Variants in EFCAB11 observed in about 807,000 individuals in gnomAD.
EFCAB11 encodes the protein EF-hand calcium binding domain 11, also known as EF-hand calcium-binding domain-containing protein 11.
Under a neutral mutation model 23.0 loss-of-function variants are expected in EFCAB11, and 14 were observed. The observed-to-expected ratio is 0.61, with a 90% CI of 0.40 to 0.95. The LOEUF (loss-of-function observed/expected upper bound fraction) is 0.95. EFCAB11 is among the 40% of genes least tolerant of loss of function. The pLI is 0.00. For synonymous variants in EFCAB11, 65 were observed against 66.6 expected (o/e 0.98, Z 0.11); for missense variants, 198 against 195.8 (o/e 1.01, Z -0.07).
chr14:89,902,679 G>T (rs1476977095), intron 5 of EFCAB11, among the ~76,000 whole-genome samples: 5 of 152,148 alleles, frequency 3.3e-5, no homozygotes, highest in Non-Finnish European at 7.4e-5. Context: ...TAACACTTAA[G>T]ATTAGATATT....
intron 5 of EFCAB11, among the ~76,000 whole-genome samples, chr14:89,817,696 T>C (rs117495048): frequency 0.019 from 2,871 of 152,130 alleles, 63 homozygotes; most frequent in East Asian, 0.098. Context: ...AAATTACAAG[T>C]AAAATGCAGT....
intron 5 of EFCAB11, among the ~76,000 whole-genome samples, chr14:89,817,029 T>C (rs1031121217): frequency 2.0e-5 from 3 of 152,034 alleles, no homozygotes; most frequent in African/African-American, 7.2e-5. Flanking sequence ...AGTCCAATAA[T>C]AAAAGTATAA....
chr14:89,821,714 G>C (rs949061892), intron 5 of EFCAB11, among the ~76,000 whole-genome samples: 1 of 152,194 alleles, frequency 6.6e-6, no homozygotes, highest in Non-Finnish European at 1.5e-5. Flanking sequence ...GGAGGTGCGG[G>C]AGAGGGAAAC....
At chr14:89,901,766 C>G (rs1281850575) in intron 5 of EFCAB11, among the ~76,000 whole-genome samples, 2 of 152,070 alleles carry the variant, frequency 1.3e-5, no homozygotes, top group African/African-American at 4.8e-5. Flanking sequence ...GAATGTAACA[C>G]AATACAGAAT....
At chr14:89,915,759 A>G (rs1889820314) in intron 5 of EFCAB11, among the ~76,000 whole-genome samples, 1 of 152,268 alleles carries the variant, frequency 6.6e-6, no homozygotes, top group Non-Finnish European at 1.5e-5. Context: ...AACACTGAGA[A>G]CTACAATGAA....
At chr14:89,925,648 CTT>C (rs397758240) in intron 5 of EFCAB11, among the ~76,000 whole-genome samples, 17 of 134,614 alleles carry the variant, frequency 1.3e-4, no homozygotes, top group Admixed American at 1.5e-4. Context: ...ATGTTTCTTT[CTT>C]TTTTTTTTTT....
At chr14:89,889,338 T>C (rs2140186365) in intron 5 of EFCAB11, among the ~76,000 whole-genome samples, 1 of 152,376 alleles carries the variant, frequency 6.6e-6, no homozygotes, top group South Asian at 2.1e-4. Flanking sequence ...AATCCTGTTT[T>C]ACTACTTATT....
At chr14:89,846,945 A>G (rs1320571293) in intron 5 of EFCAB11, among the ~76,000 whole-genome samples, 1 of 152,170 alleles carries the variant, frequency 6.6e-6, no homozygotes, top group African/African-American at 2.4e-5. Flanking sequence ...GCTTTCTTCA[A>G]TCACATTCCT....
intron 5 of EFCAB11, among the ~76,000 whole-genome samples, chr14:89,875,647 G>A (rs1307022837): frequency 6.6e-6 from 1 of 152,178 alleles, no homozygotes; most frequent in South Asian, 2.1e-4. Context: ...AGAAGGATCA[G>A]CAGGTTAAAG....
chr14:89,916,013 G>A (rs563678351), intron 5 of EFCAB11, among the ~76,000 whole-genome samples: 1 of 152,124 alleles, frequency 6.6e-6, no homozygotes, highest in South Asian at 2.1e-4. Context: ...CCTAGCAATG[G>A]ATACCAGTAT....
At chr14:89,919,291 G>GT (rs1889949950) in intron 5 of EFCAB11, among the ~76,000 whole-genome samples, 1 of 152,136 alleles carries the variant, frequency 6.6e-6, no homozygotes, top group Non-Finnish European at 1.5e-5. Flanking sequence ...AAGGCAAGTG[G>GT]TAAGTAAGCT....
chr14:89,920,536 A>T (rs1397260124), intron 5 of EFCAB11, among the ~76,000 whole-genome samples: 1 of 152,220 alleles, frequency 6.6e-6, no homozygotes, highest in Non-Finnish European at 1.5e-5. Flanking sequence ...ACCTTGAGCA[A>T]GTCTTTAGAC....
At chr14:89,831,852 C>T (rs772180123) in intron 5 of EFCAB11, among the ~76,000 whole-genome samples, 1 of 152,050 alleles carries the variant, frequency 6.6e-6, no homozygotes, top group Non-Finnish European at 1.5e-5. Flanking sequence ...CACATTTTGC[C>T]GAGGTTGTTC....
chr14:89,912,144 G>A (rs965363779), intron 5 of EFCAB11, among the ~76,000 whole-genome samples: 1 of 152,080 alleles, frequency 6.6e-6, no homozygotes, highest in African/African-American at 2.4e-5. Context: ...TTCATTGTTG[G>A]TATGCTATAG....
intron 5 of EFCAB11, among the ~76,000 whole-genome samples, chr14:89,891,880 C>G (rs116156648): frequency 3.3e-5 from 5 of 152,120 alleles, no homozygotes; most frequent in Admixed American, 2.6e-4. Flanking sequence ...TGCGGAGCTA[C>G]GTGGCGGGCG....
intron 3 of EFCAB11, among the ~76,000 whole-genome samples, chr14:89,948,524 C>T (rs1200023435): frequency 6.6e-6 from 1 of 152,206 alleles, no homozygotes; most frequent in Non-Finnish European, 1.5e-5. Context: ...TGGAAGATAT[C>T]TGCATTCTCA....
intron 5 of EFCAB11, chr14:89,830,996 G>A (rs1402042099): frequency 2.0e-5 from 3 of 152,254 alleles, no homozygotes; most frequent in Admixed American, 2.0e-4. Flanking sequence ...ATTTTACAAG[G>A]ATCATTGCTG....
chr14:89,837,199 ATAC>A, intron 5 of EFCAB11: 1 of 448,160 alleles, frequency 2.2e-6, no homozygotes, highest in Non-Finnish European at 4.5e-6. Flanking sequence ...CATAAGCCTT[ATAC>A]TATTTATTCT....
At chr14:89,886,869 G>C (rs1888803683) in intron 5 of EFCAB11, among the ~76,000 whole-genome samples, 1 of 152,168 alleles carries the variant, frequency 6.6e-6, no homozygotes, top group African/African-American at 2.4e-5. Flanking sequence ...ATCAGGCTTA[G>C]AGATTAAATA....
Sources: gnomAD v4.1 joint callset for allele counts (sites outside exome capture counted in the v4.1 genomes callset) on GRCh38, gnomAD v4.1.1 for gene constraint, MANE v1.5 for transcripts, NCBI Gene and HGNC (gene_info 2026-07-23, HGNC 2026-07-21) for gene names.